Variants in HCN1 observed in about 807,000 individuals in gnomAD.
The protein encoded by HCN1 is potassium/sodium hyperpolarization-activated cyclic nucleotide-gated channel 1.
A neutral mutation model predicts 78.9 loss-of-function variants in HCN1; 13 were observed. The observed-to-expected ratio is 0.16, with a 90% CI of 0.11 to 0.26. The LOEUF (loss-of-function observed/expected upper bound fraction) is 0.26, where lower values mean the gene tolerates loss of function less well. Ranked by LOEUF, HCN1 falls within the 10% of genes least tolerant of loss-of-function variation. The pLI is 1.00. For missense variants in HCN1, 810 were observed against 1,154.3 expected (o/e 0.70, Z 4.32); for synonymous variants, 552 against 455.5 (o/e 1.21, Z -2.70).
intron 2 of HCN1, among the ~76,000 whole-genome samples, chr5:45,635,198 G>T (rs1472118541): frequency 6.6e-6 from 1 of 151,940 alleles, no homozygotes; most frequent in Non-Finnish European, 1.5e-5. Context: ...CAATTTTAGA[G>T]TTCACAAAGC....
At chr5:45,350,010 C>A (rs1364828691) in intron 5 of HCN1, among the ~76,000 whole-genome samples, 1 of 152,136 alleles carries the variant, frequency 6.6e-6, no homozygotes, top group African/African-American at 2.4e-5. Context: ...GGGAATCCTC[C>A]CTAATTCATT....
chr5:45,282,059 T>C (rs1233476082), intron 6 of HCN1, among the ~76,000 whole-genome samples: 1 of 152,200 alleles, frequency 6.6e-6, no homozygotes, highest in Non-Finnish European at 1.5e-5. Flanking sequence ...GAATAAAATA[T>C]GCCCAATACT....
intron 2 of HCN1, among the ~76,000 whole-genome samples, chr5:45,624,095 T>C (rs1210059790): frequency 4.6e-5 from 7 of 152,150 alleles, no homozygotes; most frequent in Admixed American, 6.5e-5. Flanking sequence ...GGTGAGGTCA[T>C]AGAGGTAGCC....
At chr5:45,514,766 A>T (rs773104061) in intron 2 of HCN1, among the ~76,000 whole-genome samples, 1 of 152,052 alleles carries the variant, frequency 6.6e-6, no homozygotes, top group Non-Finnish European at 1.5e-5. Context: ...TGTTCATGGG[A>T]TTAATTTGAA....
chr5:45,456,094 G>T (rs1741024232), intron 3 of HCN1, among the ~76,000 whole-genome samples: 1 of 151,682 alleles, frequency 6.6e-6, no homozygotes, highest in African/African-American at 2.4e-5. Flanking sequence ...TTGCTAGATT[G>T]GTTTACGCAT....
intron 2 of HCN1, among the ~76,000 whole-genome samples, chr5:45,550,414 C>T: frequency 6.6e-6 from 1 of 152,112 alleles, no homozygotes; most frequent in East Asian, 1.9e-4. Context: ...CCAAACACCA[C>T]ATGTTCTCAT....
intron 2 of HCN1, among the ~76,000 whole-genome samples, chr5:45,487,965 A>G (rs1278188915): frequency 6.6e-6 from 1 of 152,120 alleles, no homozygotes; most frequent in Non-Finnish European, 1.5e-5. Flanking sequence ...TACTTATGAG[A>G]AGTTGAACTA....
intron 2 of HCN1, among the ~76,000 whole-genome samples, chr5:45,573,473 C>T (rs1374821309): frequency 8.3e-6 from 1 of 120,584 alleles, no homozygotes; most frequent in Non-Finnish European, 1.7e-5. Flanking sequence ...TAACCTCCCC[C>T]CACCCCGAAA....
intron 3 of HCN1, among the ~76,000 whole-genome samples, chr5:45,460,035 A>G (rs1741114361): frequency 6.6e-6 from 1 of 152,188 alleles, no homozygotes; most frequent in Non-Finnish European, 1.5e-5. Flanking sequence ...ACTACCATAT[A>G]GAATATTTCT....
At chr5:45,331,165 T>C (rs1054768733) in intron 5 of HCN1, among the ~76,000 whole-genome samples, 2 of 151,246 alleles carry the variant, frequency 1.3e-5, no homozygotes, top group Admixed American at 1.3e-4. Context: ...AGGTAAAGTG[T>C]AGAATTCAAC....
At chr5:45,600,954 A>G (rs2111963685) in intron 2 of HCN1, among the ~76,000 whole-genome samples, 1 of 152,236 alleles carries the variant, frequency 6.6e-6, no homozygotes, top group Middle Eastern at 3.4e-3. Flanking sequence ...AGAATCCAAA[A>G]AGTGAAGCTC....
At chr5:45,320,393 T>C (rs1746100276) in intron 5 of HCN1, among the ~76,000 whole-genome samples, 2 of 151,848 alleles carry the variant, frequency 1.3e-5, no homozygotes, top group African/African-American at 4.8e-5. Flanking sequence ...TAAAGATAAT[T>C]CTAAGAATGA....
At chr5:45,420,036 T>C (rs900725983) in intron 3 of HCN1, among the ~76,000 whole-genome samples, 7 of 152,156 alleles carry the variant, frequency 4.6e-5, no homozygotes, top group Non-Finnish European at 8.8e-5. Flanking sequence ...TCAAGAAACA[T>C]TGGCTCAACA....
intron 2 of HCN1, among the ~76,000 whole-genome samples, chr5:45,544,921 T>C (rs1332036979): frequency 1.3e-5 from 2 of 152,276 alleles, no homozygotes; most frequent in East Asian, 1.9e-4. Flanking sequence ...TGTGTGCATG[T>C]GTCTTTATAG....
intron 2 of HCN1, among the ~76,000 whole-genome samples, chr5:45,484,953 G>A (rs564492745): frequency 1.3e-5 from 2 of 152,224 alleles, no homozygotes; most frequent in African/African-American, 4.8e-5. Flanking sequence ...GAACACCTGT[G>A]ATATATAGGG....
At position 45,530,797 on chromosome 5, in the gene HCN1, C is replaced by G. The variant is rs554682745; in HGVS notation, c.850-68790G>C. On this transcript the variant is annotated intron_variant, in intron 2 of 7. Coordinates refer to ENST00000303230, the MANE Select transcript of HCN1 (RefSeq NM_021072.4). ...TCTGTGTGGTAGGTTCTATTATTAA[C>G]ATAACCATTTGACAGGTAACATAAA... Among the ~76,000 whole-genome samples the G allele has an allele frequency of 2.0e-4, 30 of 152,190 alleles. 1 individual carries two copies. In the South Asian group the frequency reaches 6.0e-3, roughly 30 times the overall value.
intron 3 of HCN1, among the ~76,000 whole-genome samples, chr5:45,450,520 A>T (rs1427565716): frequency 2.0e-5 from 3 of 152,202 alleles, no homozygotes; most frequent in Non-Finnish European, 4.4e-5. Context: ...TGTTTTTGAC[A>T]CTATGATTAA....
At chr5:45,655,773 G>T (rs995197625) in intron 1 of HCN1, among the ~76,000 whole-genome samples, 2 of 152,076 alleles carry the variant, frequency 1.3e-5, no homozygotes, top group African/African-American at 4.8e-5. Flanking sequence ...TCTAAACAGA[G>T]GAGCTATGAG....
chr5:45,319,032 T>C (rs910824622), intron 5 of HCN1, among the ~76,000 whole-genome samples: 2 of 152,032 alleles, frequency 1.3e-5, no homozygotes, highest in Non-Finnish European at 2.9e-5. Flanking sequence ...TTGATTCTTT[T>C]TAAATTTCAG....
Sources: allele counts gnomAD v4.1 joint callset (sites outside exome capture counted in the v4.1 genomes callset), GRCh38; gene constraint gnomAD v4.1.1; transcripts MANE v1.5; gene names NCBI Gene and HGNC (gene_info 2026-07-23, HGNC 2026-07-21).